DMRTB1: variants seen among roughly 807,000 people sequenced by gnomAD.
The protein encoded by DMRTB1 is DMRT like family B with proline rich C-terminal 1.
DMRTB1 carries 9 observed loss-of-function variants against 25.2 expected under a neutral mutation model. The observed-to-expected ratio is 0.36, with a 90% CI of 0.22 to 0.62. The LOEUF is 0.62. Ranked by LOEUF, DMRTB1 falls within the 20% of genes least tolerant of loss-of-function variation. The pLI, the probability that DMRTB1 is intolerant of heterozygous loss-of-function variation, is 0.71. For synonymous variants in DMRTB1, 269 were observed against 238.1 expected (o/e 1.13, Z -1.20); for missense variants, 551 against 499.3 (o/e 1.10, Z -0.99).
Position 53,466,588 on chromosome 1 carries a change from T to C in DMRTB1, c.962-7T>C. 6.2e-7 allele frequency: 1 copy of C among 1,614,136 alleles called. No homozygotes were observed. The highest frequency in any genetic ancestry group is 8.5e-7 in the Non-Finnish European group (1 of 1,180,000). ...CTAAATCCAGCTACCTTCTTTGTCC[T>C]TCACAGATGACCAGGATGCAGAGGT... On this transcript the variant is annotated splice_region_variant and splice_polypyrimidine_tract_variant and intron_variant, in intron 3 of 3. Transcript: ENST00000371445.
intron 2 of DMRTB1, among the ~76,000 whole-genome samples, chr1:53,463,647 A>G (rs917337945): frequency 1.3e-5 from 2 of 152,228 alleles, no homozygotes; most frequent in Non-Finnish European, 2.9e-5. Context: ...AGACTCTTCC[A>G]AGCCTTTAAT....
chr1:53,464,744 A>G lies in DMRTB1; in HGVS notation c.858A>G (p.Pro286=), dbSNP rs1290091695. Residue 286 remains proline (P), a synonymous_variant, in exon 3 of 4, where the codon CCA becomes CCG. Transcript: ENST00000371445. ...CACCGCAGCCCCAGTTCCTCCCGCC[A>G]GGCTACCTCTCTGCGCTCCACTTCC... ...PLPPQPQFLP[P]GYLSALHFLP... is the part of the protein sequence containing the mutation. The G allele has an allele frequency of 1.2e-6, 2 of 1,613,344 alleles. No homozygotes were observed. Among genetic ancestry groups the G allele is most frequent in the South Asian group, 2.2e-5 (2 of 91,008 alleles).
Position 53,459,891 on chromosome 1 carries a change from G to C in DMRTB1, c.438G>C (p.Pro146=), listed in dbSNP as rs747254182. The part of the protein sequence containing the change: ...PVLGGRSHVE[P]SERAAVAMPS... Reference sequence around the variant, plus strand: ...TGGGCGGCCGCAGCCACGTGGAGCCGAGCGAGCGAGCCGCCGTGGCGATGC... The same window carrying C: ...TGGGCGGCCGCAGCCACGTGGAGCCCAGCGAGCGAGCCGCCGTGGCGATGC... Residue 146 remains proline, a synonymous_variant, in exon 1 of 4, where the codon CCG becomes CCC. Transcript: ENST00000371445. The C allele has an allele frequency of 2.6e-6, 4 of 1,526,116 alleles. No homozygotes were observed. The African/African-American group carries it at 4.3e-5, about 16-fold the overall frequency. 94.5% of individuals were successfully genotyped at this position (1,526,116 alleles called of 1,614,324 possible).
chr1:53,464,445 G>C (rs1182245648), intron 2 of DMRTB1, among the ~76,000 whole-genome samples, 192 bp from the exon 3 acceptor site: 1 of 152,180 alleles, frequency 6.6e-6, no homozygotes, highest in Admixed American at 6.5e-5. Context: ...GGTTGCCTGT[G>C]TTCCTTCTTG....
intron 1 of DMRTB1, among the ~76,000 whole-genome samples, chr1:53,460,729 C>T (rs1272413470): frequency 6.6e-6 from 1 of 152,232 alleles, no homozygotes; most frequent in Non-Finnish European, 1.5e-5. Flanking sequence ...GCTTTAGAAG[C>T]CCCGGGGTTT....
At chr1:53,460,500 C>G (rs1485753634) in intron 1 of DMRTB1, 1 of 154,978 alleles carries the variant, frequency 6.5e-6, no homozygotes, top group Non-Finnish European at 1.4e-5. Flanking sequence ...GGCTCCTCCC[C>G]TCAGCTCCGC....
rs1168713723 is a variant in DMRTB1, at chr1:53,459,504, T to C, written c.51T>C (p.His17=). The C allele has an allele frequency of 6.2e-7, 1 of 1,613,242 alleles. No individual in the cohort carries two copies. The highest frequency in any genetic ancestry group is 1.7e-5 in the Admixed American group (1 of 60,038). ...RTPKCSRCRN[H]GFLVPVKGHA... ...CCAAGTGCTCGAGATGCAGGAACCA[T>C]GGCTTCCTGGTGCCCGTCAAGGGAC... The change falls in exon 1 of 4, where the codon CAT becomes CAC. Residue 17 remains histidine (H), a synonymous_variant. Transcript: ENST00000371445.
intron 3 of DMRTB1, among the ~76,000 whole-genome samples, chr1:53,465,635 G>T (rs1196414985): frequency 2.0e-5 from 3 of 151,940 alleles, no homozygotes; most frequent in African/African-American, 7.3e-5. Context: ...GAGTCTGGTG[G>T]TATCACCATT....
rs1469501452 is a variant in DMRTB1 at position 53,460,041 on chromosome 1, G to A, written c.577+11G>A. The A allele has an allele frequency of 1.3e-6, 2 of 1,560,586 alleles. No homozygotes were observed. The highest frequency in any genetic ancestry group is 4.8e-5 in the East Asian group (2 of 41,310). On this transcript the variant is annotated intron_variant, in intron 1 of 3. Transcript: ENST00000371445. ...TGTTCACCGACTTTGGTAAGTCGTG[G>A]CCTTGGTCCCGCGGTCGACTCCCGG...
intron 3 of DMRTB1, among the ~76,000 whole-genome samples, chr1:53,465,345 G>T (rs1644045301): frequency 6.6e-6 from 1 of 150,586 alleles, no homozygotes; most frequent in Non-Finnish European, 1.5e-5. Flanking sequence ...AGGAGCTAGA[G>T]AATCTGTCCT....
chr1:53,459,911 C>G lies in DMRTB1; in HGVS notation c.458C>G (p.Ala153Gly), dbSNP rs1032368771. ...HVEPSERAAV[A>G]MPSLAGPPFG... ...GAGCCGAGCGAGCGAGCCGCCGTGG[C>G]GATGCCCAGCCTTGCGGGACCCCCT... Residue 153 changes from alanine to glycine, a missense_variant, in exon 1 of 4, where the codon GCG (alanine) becomes GGG (glycine). By Grantham distance (60) the Ala-to-Gly change is moderately conservative. Transcript: ENST00000371445. The G allele has an allele frequency of 6.5e-7, 1 of 1,547,364 alleles. No individual in the cohort carries two copies. Among genetic ancestry groups the G allele is most frequent in the Non-Finnish European group, 8.6e-7 (1 of 1,156,502 alleles).
At chr1:53,460,196 C>T (rs901293395) in intron 1 of DMRTB1, 166 bp downstream of exon 1, 1 of 1,023,334 alleles carries the variant, frequency 9.8e-7, no homozygotes, top group Admixed American at 3.7e-5. Flanking sequence ...GATTGGGTAA[C>T]TTTTCGCAAA....
intron 1 of DMRTB1, among the ~76,000 whole-genome samples, chr1:53,460,786 G>A (rs1644017815): frequency 6.6e-6 from 1 of 152,198 alleles, no homozygotes; most frequent in Non-Finnish European, 1.5e-5. Flanking sequence ...GGTGTGGTGG[G>A]ACGGGCTCAG....
At chr1:53,464,501 G>C in intron 2 of DMRTB1, 136 bp from the exon 3 acceptor site, 1 of 1,372,196 alleles carries the variant, frequency 7.3e-7, no homozygotes, top group Non-Finnish European at 1.0e-6. Context: ...CCTTCCAAAT[G>C]CCCTGTGCCT....
intron 1 of DMRTB1, chr1:53,460,377 T>G: frequency 1.6e-5 from 3 of 185,236 alleles, no homozygotes; most frequent in South Asian, 1.3e-4. Context: ...TGCGCACCTC[T>G]TCCCGCCATT....
At chr1:53,464,532 C>A in intron 2 of DMRTB1, 105 bp from the exon 3 acceptor site, 1 of 1,561,098 alleles carries the variant, frequency 6.4e-7, no homozygotes, top group Non-Finnish European at 8.8e-7. Context: ...GGCCGTGCAT[C>A]TACCCCATCA....
chr1:53,460,403 C>A (rs1644014354), intron 1 of DMRTB1: 1 of 172,372 alleles, frequency 5.8e-6, no homozygotes. Flanking sequence ...GGGCTGGAGG[C>A]TCCTCCTCCA....
intron 1 of DMRTB1, 123 bp downstream of exon 1, chr1:53,460,153 G>A: frequency 1.5e-6 from 2 of 1,297,808 alleles, no homozygotes; most frequent in East Asian, 3.1e-5. Context: ...CGGACCTTCC[G>A]CTTTGAGAAA....
intron 3 of DMRTB1, among the ~76,000 whole-genome samples, chr1:53,466,082 A>C (rs1340373398): frequency 1.3e-5 from 2 of 152,184 alleles, no homozygotes; most frequent in Non-Finnish European, 2.9e-5. Context: ...CAAGAGCTGG[A>C]ACTTGAATCT....
Sources: allele counts gnomAD v4.1 joint callset (sites outside exome capture counted in the v4.1 genomes callset), GRCh38; gene constraint gnomAD v4.1.1; transcripts MANE v1.5; gene names NCBI Gene and HGNC (gene_info 2026-07-23, HGNC 2026-07-21).